LETM1: variants seen among roughly 807,000 people sequenced by gnomAD.
LETM1 encodes the protein leucine zipper and EF-hand containing transmembrane protein 1.
In LETM1, 50 loss-of-function variants were observed where a neutral mutation model predicts 74.5. The observed-to-expected ratio is 0.67, with a 90% CI of 0.53 to 0.85. The LOEUF is 0.85. Ranked by LOEUF, LETM1 falls within the 40% of genes least tolerant of loss-of-function variation. The probability of loss-of-function intolerance (pLI) is 0.00; values close to 1 mark genes in which losing one functional copy is unlikely to be tolerated. For missense variants in LETM1, 824 were observed against 967.8 expected (o/e 0.85, Z 1.97); for synonymous variants, 446 against 407.1 (o/e 1.10, Z -1.15).
Position 1,814,268 on chromosome 4 carries a change from A to C in LETM1, c.*156T>G. 3 of 1,149,916 alleles carry C rather than the reference A, an allele frequency of 2.6e-6. No individual in the cohort carries two copies. The highest frequency in any genetic ancestry group is 2.5e-6 in the Non-Finnish European group (2 of 803,336). 71.2% of individuals were successfully genotyped at this position (1,149,916 alleles called of 1,614,324 possible). On this transcript the variant is annotated 3_prime_UTR_variant, in exon 14 of 14. Coordinates refer to ENST00000302787, the MANE Select transcript of LETM1 (RefSeq NM_012318.3). ...TCCAGACAGACTGAATCTCCGTGGA[A>C]TGATGAAAATTAAAATTTACTTGAT...
At chr4:1,845,634 A>G (rs953237216) in intron 2 of LETM1, among the ~76,000 whole-genome samples, 11 of 144,100 alleles carry the variant, frequency 7.6e-5, no homozygotes, top group Non-Finnish European at 1.5e-4. Flanking sequence ...TGCAACCTCC[A>G]CCTTCCAGGT....
intron 11 of LETM1, among the ~76,000 whole-genome samples, chr4:1,818,399 G>A (rs930811642): frequency 6.6e-6 from 1 of 152,066 alleles, no homozygotes; most frequent in Non-Finnish European, 1.5e-5. Context: ...GGATCATGAG[G>A]TCAGGAGTTC....
At chr4:1,827,403 G>A (rs1216768725) in intron 6 of LETM1, among the ~76,000 whole-genome samples, 1 of 124,438 alleles carries the variant, frequency 8.0e-6, no homozygotes, top group Non-Finnish European at 1.7e-5. Context: ...GTGAACAAAG[G>A]TCTCTGGTTT....
intron 7 of LETM1, 126 bp from the exon 8 acceptor site, chr4:1,823,901 G>A: frequency 5.4e-6 from 6 of 1,105,482 alleles, no homozygotes; most frequent in Non-Finnish European, 6.3e-6. Flanking sequence ...TACAAGGTCT[G>A]TTTGTTGCTG....
chr4:1,822,719 G>A (rs756870563), intron 9 of LETM1: 9 of 374,922 alleles, frequency 2.4e-5, no homozygotes, highest in South Asian at 1.4e-4. Flanking sequence ...GGAGAGGGTG[G>A]GCACTGCCAT....
rs1193880639 is a variant in LETM1, at chr4:1,840,617, G to A, written c.594+730C>T. ...CGGGGGGCGGAGCCTGCAGCGAGCC[G>A]AGATCGCACCACTGCACTCCAGCCT... On this transcript the variant is annotated intron_variant, in intron 3 of 13. Transcript: ENST00000302787. Among the ~76,000 whole-genome samples, 9 of 152,094 alleles carry A rather than the reference G, an allele frequency of 5.9e-5. No individual in the cohort carries two copies. The South Asian group carries it at 8.3e-4, about 14-fold the overall frequency.
At chr4:1,815,164 C>T (rs1458844946) in intron 13 of LETM1, among the ~76,000 whole-genome samples, 2 of 152,242 alleles carry the variant, frequency 1.3e-5, no homozygotes, top group Non-Finnish European at 2.9e-5. Flanking sequence ...GGGCCAGGGT[C>T]TCCGGGGCTA....
intron 9 of LETM1, 101 bp from the exon 10 acceptor site, chr4:1,822,413 CAG>C: frequency 1.6e-6 from 2 of 1,254,270 alleles, no homozygotes; most frequent in Non-Finnish European, 2.0e-6. Flanking sequence ...ACACTGGGAG[CAG>C]GCCTGCAGGT....
chr4:1,834,518 C>T lies in LETM1; in HGVS notation c.876+327G>A, dbSNP rs1712395308. Reference sequence around the variant, plus strand: ...GGCAATGCCCAGCAGAGGAGCCCGGCCAAGCCACCCACACCTCACACCATC... The same window carrying T: ...GGCAATGCCCAGCAGAGGAGCCCGGTCAAGCCACCCACACCTCACACCATC... On this transcript the variant is annotated intron_variant, in intron 5 of 13. Coordinates refer to ENST00000302787, the MANE Select transcript of LETM1 (RefSeq NM_012318.3). This position sits in a 1 kb window ranked among gnomAD's most constrained non-coding sequence, Gnocchi z 5.0. 3.2e-5 allele frequency: 35 copies of T among 1,099,324 alleles called. 1 individual carries two copies. The South Asian group carries it at 9.4e-4, about 30-fold the overall frequency. 68.1% of individuals were successfully genotyped at this position (1,099,324 alleles called of 1,614,324 possible).
intron 9 of LETM1, 69 bp downstream of exon 9, chr4:1,822,919 C>A: frequency 3.1e-6 from 4 of 1,274,358 alleles, no homozygotes; most frequent in Non-Finnish European, 4.0e-6. Context: ...AGACTGTGGG[C>A]GTGCGGGGGT....
chr4:1,833,124 T>C, intron 5 of LETM1, 177 bp from the exon 6 acceptor site: 2 of 606,588 alleles, frequency 3.3e-6, no homozygotes, highest in South Asian at 4.0e-5. Flanking sequence ...CAGGCTGGAA[T>C]GCAGTGGTGT....
intron 4 of LETM1, among the ~76,000 whole-genome samples, chr4:1,835,373 A>T (rs1242713763): frequency 6.6e-6 from 1 of 152,074 alleles, no homozygotes; most frequent in Non-Finnish European, 1.5e-5. Flanking sequence ...CAGGAGGTGG[A>T]GGCTACAGTG....
intron 6 of LETM1, among the ~76,000 whole-genome samples, chr4:1,832,022 C>A (rs189345756): frequency 6.6e-6 from 1 of 152,162 alleles, no homozygotes; most frequent in Non-Finnish European, 1.5e-5. Context: ...AGTAACCAGC[C>A]GGACACAGTG....
chr4:1,835,531 C>T (rs1243397962), intron 4 of LETM1, among the ~76,000 whole-genome samples: 1 of 152,186 alleles, frequency 6.6e-6, no homozygotes, highest in Non-Finnish European at 1.5e-5. Flanking sequence ...GATCGGCACA[C>T]TTTCCGTAAT....
At chr4:1,838,453 G>C (rs1275734148) in intron 3 of LETM1, among the ~76,000 whole-genome samples, 1 of 152,092 alleles carries the variant, frequency 6.6e-6, no homozygotes, top group Non-Finnish European at 1.5e-5. Context: ...GAGGCAGCAG[G>C]ACTGCTTGAG....
intron 5 of LETM1, 125 bp from the exon 6 acceptor site, chr4:1,833,072 T>TA: frequency 1.3e-6 from 1 of 771,224 alleles, no homozygotes; most frequent in Non-Finnish European, 2.1e-6. Flanking sequence ...GACTACTTCT[T>TA]CTTTTTTTTT....
chr4:1,832,637 C>T (rs1026040257), intron 6 of LETM1, 107 bp downstream of exon 6: 130 of 1,098,050 alleles, frequency 1.2e-4, no homozygotes, highest in East Asian at 1.7e-4. Context: ...TATTTTCGAT[C>T]GTTCAGCATC....
intron 6 of LETM1, among the ~76,000 whole-genome samples, chr4:1,829,268 G>A (rs1577317026): frequency 1.4e-5 from 2 of 144,466 alleles, no homozygotes; most frequent in East Asian, 4.3e-4. Context: ...CGGGCAGAGG[G>A]GCTCCTCACT....
At chr4:1,820,488 C>T (rs969815283) in intron 10 of LETM1, among the ~76,000 whole-genome samples, 3 of 152,144 alleles carry the variant, frequency 2.0e-5, no homozygotes, top group Admixed American at 6.5e-5. Context: ...GACTGAAACC[C>T]CCAAGCTGAT....
Sources: gnomAD v4.1 joint callset for allele counts (sites outside exome capture counted in the v4.1 genomes callset) on GRCh38, gnomAD v4.1.1 for gene constraint, Gnocchi (gnomAD v3.1) non-coding constraint, MANE v1.5 for transcripts, NCBI Gene and HGNC (gene_info 2026-07-23, HGNC 2026-07-21) for gene names.